The following TLN2 variants were observed in gnomAD, a reference collection of about 807,000 sequenced individuals.
TLN2 encodes the protein talin 2.
A neutral mutation model predicts 294.7 loss-of-function variants in TLN2; 118 were observed. The observed-to-expected ratio is 0.40, with a 90% confidence interval of 0.34 to 0.47. TLN2 has a LOEUF of 0.47. Among genes scored for constraint, TLN2 ranks in the 20% least tolerant of loss-of-function variants. TLN2 has a pLI of 0.84. For missense variants in TLN2, 3,083 were observed against 3,282.2 expected (o/e 0.94, Z 1.48); for synonymous variants, 1,431 against 1,304.5 (o/e 1.10, Z -2.09).
chr15:62,685,997 T>A (rs533770905), intron 11 of TLN2, among the ~76,000 whole-genome samples: 1 of 150,746 alleles, frequency 6.6e-6, no homozygotes, highest in Non-Finnish European at 1.5e-5. Flanking sequence ...TCCTAAATTA[T>A]TAATCTGTCT....
At chr15:62,406,403 T>C (rs1056670836) in intron 1 of TLN2, among the ~76,000 whole-genome samples, 2 of 152,090 alleles carry the variant, frequency 1.3e-5, no homozygotes, top group African/African-American at 4.8e-5. Context: ...CAGCTAGAGG[T>C]AGAGGAAAAC....
chr15:62,507,290 C>G (rs1346227571), intron 1 of TLN2, among the ~76,000 whole-genome samples: 1 of 152,146 alleles, frequency 6.6e-6, no homozygotes, highest in African/African-American at 2.4e-5. Flanking sequence ...TCAGTCAGCA[C>G]AATTTGGGAA....
chr15:62,690,085 C>T (rs1409818072), intron 12 of TLN2, among the ~76,000 whole-genome samples: 1 of 103,816 alleles, frequency 9.6e-6, no homozygotes, highest in East Asian at 2.9e-4. Flanking sequence ...GGGCGGCCGG[C>T]CGGGCGGGGG....
intron 1 of TLN2, among the ~76,000 whole-genome samples, chr15:62,493,617 G>C (rs1179207268): frequency 6.6e-6 from 1 of 151,556 alleles, no homozygotes; most frequent in Admixed American, 6.6e-5. Context: ...CCCCCCCGCC[G>C]CTTTTTTTTT....
intron 23 of TLN2, 52 bp from the exon 24 acceptor site, chr15:62,717,524 A>T: frequency 7.9e-7 from 1 of 1,258,906 alleles, no homozygotes; most frequent in East Asian, 2.8e-5. Context: ...CCTGTAGAAC[A>T]TGCATGTATA....
chr15:62,505,899 G>A (rs976367542), intron 1 of TLN2, among the ~76,000 whole-genome samples: 2 of 152,306 alleles, frequency 1.3e-5, no homozygotes, highest in East Asian at 1.9e-4. Flanking sequence ...TTAGCCAAAT[G>A]TCATTGAACC....
chr15:62,794,322 C>T (rs1046728428), intron 46 of TLN2, among the ~76,000 whole-genome samples: 7 of 152,296 alleles, frequency 4.6e-5, no homozygotes, highest in Middle Eastern at 3.4e-3. Context: ...CCTTGTGTCT[C>T]GTTATATGCC....
At chr15:62,406,768 C>T (rs1056364217) in intron 1 of TLN2, among the ~76,000 whole-genome samples, 4 of 152,052 alleles carry the variant, frequency 2.6e-5, no homozygotes, top group Non-Finnish European at 5.9e-5. Context: ...ATCTGTAAGC[C>T]CTGTCTCCTG....
At chr15:62,794,545 A>T (rs776886289) in intron 46 of TLN2, among the ~76,000 whole-genome samples, 2 of 152,126 alleles carry the variant, frequency 1.3e-5, no homozygotes, top group Admixed American at 6.5e-5. Flanking sequence ...TTCCCGTGAT[A>T]CTTGTCTTGG....
rs1369075863 is a variant in TLN2, at chr15:62,447,184, T to TTTATTTAA, written c.-238+56502_-238+56503insTTTAATTA. On this transcript the variant is annotated intron_variant, in intron 1 of 58. Coordinates refer to ENST00000636159, the MANE Select transcript of TLN2 (RefSeq NM_015059.3). Reference sequence around the variant, plus strand: ...ATTTATTTATTTGTTTATTTATTTATTTAATTAGGAACTATTCACTACTTG... The same window carrying TTTATTTAA: ...ATTTATTTATTTGTTTATTTATTTATTTATTTAATTAATTAGGAACTATTCACTACTTG... Among the ~76,000 whole-genome samples, 1,063 of 151,748 alleles carry TTTATTTAA rather than the reference T, an allele frequency of 7.0e-3. 13 individuals are homozygous for TTTATTTAA. Among genetic ancestry groups the TTTATTTAA allele is most frequent in the African/African-American group, 0.024 (1,002 of 41,268 alleles).
chr15:62,683,884 C>G (rs1206307733), intron 11 of TLN2: 1 of 152,236 alleles, frequency 6.6e-6, no homozygotes, highest in African/African-American at 2.4e-5. Flanking sequence ...CCCTGTGGCC[C>G]TCCCGTCACA....
chr15:62,835,159 C>T (rs1220693818), intron 55 of TLN2: 2 of 153,440 alleles, frequency 1.3e-5, no homozygotes, highest in Admixed American at 1.3e-4. Context: ...AGAAAATGTT[C>T]TACTTGTTGC....
chr15:62,734,742 G>A (rs781183318), intron 28 of TLN2, among the ~76,000 whole-genome samples: 8 of 152,302 alleles, frequency 5.3e-5, no homozygotes, highest in South Asian at 2.1e-4. Context: ...TGATTAGATC[G>A]TAGTTTTATA....
rs761085415 is a variant in TLN2 at position 62,766,418 on chromosome 15, A to G, written c.5192A>G (p.His1731Arg). The G allele has an allele frequency of 1.7e-5, 28 of 1,609,456 alleles. No individual in the cohort carries two copies. The highest frequency in any genetic ancestry group is 2.4e-5 in the Non-Finnish European group (28 of 1,176,188). The change falls in exon 41 of 59, where the codon CAT (histidine) becomes CGT (arginine). Residue 1731 changes from histidine to arginine, a missense_variant. By Grantham distance (29) the His-to-Arg change is conservative. Transcript: ENST00000636159. ...AARGEAAQLG[H>R]KVTQLASYFE... ...CGGGGAGAAGCAGCTCAGCTGGGACATAAGGTAATGCACACCGAGGGGATC... is the reference window on the plus strand; with the variant it reads ...CGGGGAGAAGCAGCTCAGCTGGGACGTAAGGTAATGCACACCGAGGGGATC...
chr15:62,667,091 G>C (rs1386560704), intron 9 of TLN2, among the ~76,000 whole-genome samples: 1 of 152,060 alleles, frequency 6.6e-6, no homozygotes, highest in Non-Finnish European at 1.5e-5. Flanking sequence ...TCAGCCTCCC[G>C]AGTAGCTGGG....
intron 9 of TLN2, among the ~76,000 whole-genome samples, chr15:62,664,567 A>G (rs1306634014): frequency 1.3e-5 from 2 of 152,066 alleles, no homozygotes; most frequent in African/African-American, 4.8e-5. Flanking sequence ...ACTAACTTCA[A>G]AAAAGTGGCA....
At chr15:62,422,201 A>G (rs950949591) in intron 1 of TLN2, among the ~76,000 whole-genome samples, 3 of 143,836 alleles carry the variant, frequency 2.1e-5, no homozygotes, top group Non-Finnish European at 4.6e-5. Flanking sequence ...CCTGGGCAAC[A>G]AGAGCAAAAC....
At chr15:62,504,685 T>C (rs1365691000) in intron 1 of TLN2, among the ~76,000 whole-genome samples, 2 of 152,212 alleles carry the variant, frequency 1.3e-5, no homozygotes, top group Admixed American at 1.3e-4. Context: ...TTGAAATGGA[T>C]CGTAGACTTT....
intron 1 of TLN2, among the ~76,000 whole-genome samples, chr15:62,506,965 T>C (rs183379873): frequency 3.9e-5 from 6 of 151,988 alleles, no homozygotes; most frequent in Non-Finnish European, 7.4e-5. Flanking sequence ...AATGACAAGA[T>C]ATTTGTTGTT....
Sources: gnomAD v4.1 joint callset for allele counts (sites outside exome capture counted in the v4.1 genomes callset) on GRCh38, gnomAD v4.1.1 for gene constraint, MANE v1.5 for transcripts, NCBI Gene and HGNC (gene_info 2026-07-23, HGNC 2026-07-21) for gene names.